Variants in BANP observed in about 807,000 individuals in gnomAD.
BANP encodes BTG3 associated nuclear protein.
Under a neutral mutation model 68.1 loss-of-function variants are expected in BANP, and 11 were observed. The observed-to-expected ratio is 0.16, with a 90% confidence interval of 0.10 to 0.27. The LOEUF is 0.27. Ranked by LOEUF, BANP falls within the 10% of genes least tolerant of loss-of-function variation. The pLI is 1.00. For missense variants in BANP, 504 were observed against 722.7 expected, an observed-to-expected ratio of 0.70 and a Z score of 3.47; for synonymous variants, 329 against 303.2, an observed-to-expected ratio of 1.09 and a Z score of -0.88.
Position 87,981,078 on chromosome 16 carries a change from C to T in BANP, c.113C>T (p.Ala38Val). ...NHVVTDEDEP[A>V]LKRQRLEINC... ...GTAGTGACAGATGAAGACGAACCTGCTTTGAAACGCCAGCGACTAGAAATC... is the reference window on the plus strand; with the variant it reads ...GTAGTGACAGATGAAGACGAACCTGTTTTGAAACGCCAGCGACTAGAAATC... Residue 38 changes from alanine to valine, a missense_variant, in exon 3 of 14, where the codon GCT (alanine) becomes GTT (valine). This residue lies in a region of BANP where 238 missense variants were observed against 278.9 expected (regional missense o/e 0.85). Coordinates refer to ENST00000682872, the MANE Select transcript of BANP (RefSeq NM_001386991.1). 1 of 1,614,086 alleles carries T rather than the reference C, an allele frequency of 6.2e-7. No individual in the cohort carries two copies. Among genetic ancestry groups the T allele is most frequent in the Non-Finnish European group, 8.5e-7 (1 of 1,180,006 alleles).
intron 6 of BANP, among the ~76,000 whole-genome samples, chr16:88,007,660 G>A (rs1286324694): frequency 6.6e-6 from 1 of 152,232 alleles, no homozygotes; most frequent in Non-Finnish European, 1.5e-5. Flanking sequence ...CTGCGTCTGA[G>A]TTGTTGATTT....
rs1374329620 is a variant in BANP, at chr16:88,033,395, C to T, written c.1200+150C>T. ...CAAGGTCCCCATTTAAAGTAGAGGTCATCGTGGCCATGAGCTCTTAACATT... is the reference window on the plus strand; with the variant it reads ...CAAGGTCCCCATTTAAAGTAGAGGTTATCGTGGCCATGAGCTCTTAACATT... On this transcript the variant is annotated intron_variant, in intron 9 of 13. Coordinates refer to ENST00000682872, the MANE Select transcript of BANP (RefSeq NM_001386991.1). 1.2e-5 allele frequency: 10 copies of T among 815,768 alleles called. No individual in the cohort carries two copies. The Admixed American group carries it at 1.7e-4, about 14-fold the overall frequency. 50.5% of individuals were successfully genotyped at this position (815,768 alleles called of 1,614,324 possible). A position where few individuals can be genotyped will look rare whatever the true frequency, so the allele number is the denominator to read the frequency against.
At chr16:88,072,495 C>G (rs766253673) in intron 13 of BANP, among the ~76,000 whole-genome samples, 5 of 152,228 alleles carry the variant, frequency 3.3e-5, no homozygotes, top group Non-Finnish European at 5.9e-5. Context: ...GCCCTGTCCT[C>G]CCTCCACACA....
chr16:88,076,508 A>G, intron 13 of BANP, 82 bp from the exon 14 acceptor site: 1 of 1,256,248 alleles, frequency 8.0e-7, no homozygotes. Context: ...TCTGCCTTAA[A>G]GTCACTGGCT....
chr16:87,984,137 T>A lies in BANP; in HGVS notation c.240T>A (p.Ala80=), dbSNP rs2063821408. 2 of 1,612,320 alleles carry A rather than the reference T, an allele frequency of 1.2e-6. No homozygotes were observed. The highest frequency in any genetic ancestry group is 2.7e-5 in the African/African-American group (2 of 74,840). Residue 80 remains alanine, a synonymous_variant, in exon 4 of 14, where the codon GCT becomes GCA. Transcript: ENST00000682872. Reference sequence around the variant, plus strand: ...AAGCCAAATTGCAAGCCCTGGAGGCTACTTGTAAATCCTTAGAAGAAAAGC... The same window carrying A: ...AAGCCAAATTGCAAGCCCTGGAGGCAACTTGTAAATCCTTAGAAGAAAAGC... ...SIEAKLQALE[A]TCKSLEEKLD...
At chr16:88,051,696 C>G (rs1028732586) in intron 11 of BANP, among the ~76,000 whole-genome samples, 2 of 152,310 alleles carry the variant, frequency 1.3e-5, no homozygotes, top group South Asian at 4.1e-4. Flanking sequence ...ACATAAAAAT[C>G]CGCATAGAGA....
intron 4 of BANP, among the ~76,000 whole-genome samples, chr16:87,988,425 G>T (rs1028292232): frequency 5.9e-5 from 9 of 151,726 alleles, no homozygotes; most frequent in African/African-American, 9.7e-5. Context: ...CACCACGCCT[G>T]GCTAATTTTT....
At chr16:88,027,736 C>T (rs1030501019) in intron 8 of BANP, 86 bp downstream of exon 8, 2 of 1,493,478 alleles carry the variant, frequency 1.3e-6, no homozygotes, top group African/African-American at 1.4e-5. Flanking sequence ...CAGTGCGTGG[C>T]CAGCGGCTCC....
rs547663244 is a variant in BANP, at chr16:88,009,711, C to T, written c.655+3446C>T. On this transcript the variant is annotated intron_variant, in intron 6 of 13. Coordinates refer to ENST00000682872, the MANE Select transcript of BANP (RefSeq NM_001386991.1). The stretch of plus-strand genomic sequence containing the variant: ...CTGTGTCTCATTAGAATAAGAAGGA[C>T]GGTAACGCTCAGCTATTGAAAGCAG... Among the ~76,000 whole-genome samples the T allele has an allele frequency of 1.3e-4, 19 of 149,364 alleles. No individual in the cohort carries two copies. In the South Asian group the frequency reaches 1.3e-3, roughly 10 times the overall value.
In BANP at chr16:88,057,179, G is replaced by C. The variant is rs1020251013; in HGVS notation, c.1312-8088G>C. Reference sequence around the variant, plus strand: ...TTCTGGTGGGCGGGCCTGCCGTGTTGTGGTGGGGAGCGACTTCACACAGCT... The same window carrying C: ...TTCTGGTGGGCGGGCCTGCCGTGTTCTGGTGGGGAGCGACTTCACACAGCT... On this transcript the variant is annotated intron_variant, in intron 11 of 13. Coordinates refer to ENST00000682872, the MANE Select transcript of BANP (RefSeq NM_001386991.1). This position sits in a 1 kb window ranked among gnomAD's most constrained non-coding sequence, Gnocchi z 4.6. 9.9e-5 allele frequency among the ~76,000 whole-genome samples: 15 copies of C among 152,096 alleles called. No individual in the cohort carries two copies. Among genetic ancestry groups the C allele is most frequent in the African/African-American group, 3.6e-4 (15 of 41,358 alleles).
chr16:88,067,315 C>T (rs2088957160), intron 12 of BANP, among the ~76,000 whole-genome samples: 1 of 152,142 alleles, frequency 6.6e-6, no homozygotes, highest in African/African-American at 2.4e-5. Context: ...AGCCCCCAGC[C>T]AGTGTCACCC....
intron 11 of BANP, among the ~76,000 whole-genome samples, chr16:88,050,384 G>C (rs576394461): frequency 6.6e-6 from 1 of 152,134 alleles, no homozygotes. Context: ...TTGAACTCCC[G>C]GGCTTAAGGA....
intron 11 of BANP, among the ~76,000 whole-genome samples, chr16:88,058,499 A>G (rs1038123231): frequency 2.6e-5 from 4 of 152,188 alleles, no homozygotes; most frequent in African/African-American, 4.8e-5. Flanking sequence ...TTTCTGATCC[A>G]CAGACCAGAG....
At chr16:88,067,954 G>A (rs897599348) in intron 12 of BANP, among the ~76,000 whole-genome samples, 19 of 152,250 alleles carry the variant, frequency 1.2e-4, no homozygotes, top group African/African-American at 4.1e-4. Context: ...TGCCCCCTCC[G>A]TCCCCAACAG....
intron 11 of BANP, among the ~76,000 whole-genome samples, chr16:88,043,585 G>GT (rs2081306966): frequency 6.6e-6 from 1 of 152,180 alleles, no homozygotes; most frequent in African/African-American, 2.4e-5. Context: ...TTAGGTAGAG[G>GT]TGTTATTGTA....
At chr16:87,956,250 A>T (rs908180217) in intron 1 of BANP, among the ~76,000 whole-genome samples, 2 of 152,382 alleles carry the variant, frequency 1.3e-5, no homozygotes, top group Admixed American at 1.3e-4. Context: ...ACTGCAATCT[A>T]GAGAAACTAA....
intron 1 of BANP, among the ~76,000 whole-genome samples, chr16:87,972,164 C>A (rs1391335367): frequency 2.0e-5 from 3 of 152,110 alleles, no homozygotes; most frequent in Non-Finnish European, 2.9e-5. Context: ...GCTACTTTTT[C>A]TTGAGCTTTT....
In BANP at chr16:88,071,479, C is replaced by A. The variant is rs936236514; in HGVS notation, c.1378-590C>A. The A allele has an allele frequency of 1.3e-5, 6 of 456,234 alleles. No homozygotes were observed. The highest frequency in any genetic ancestry group is 4.0e-5 in the African/African-American group (2 of 50,082). 28.3% of individuals were successfully genotyped at this position (456,234 alleles called of 1,614,324 possible). A position where few individuals can be genotyped will look rare whatever the true frequency, so the allele number is the denominator to read the frequency against. ...GGAGGCGGTACAAGGTCGGGAGGGC[C>A]AGCGGGGCTCTCTGCCACCAGGACT... On this transcript the variant is annotated intron_variant, in intron 12 of 13. Coordinates refer to ENST00000682872, the MANE Select transcript of BANP (RefSeq NM_001386991.1). The surrounding 1 kb of genome is among the most constrained non-coding windows in gnomAD (Gnocchi z 6.5).
intron 12 of BANP, among the ~76,000 whole-genome samples, chr16:88,066,697 C>A (rs778539346): frequency 6.6e-6 from 1 of 152,216 alleles, no homozygotes; most frequent in African/African-American, 2.4e-5. Context: ...TTGATAGATT[C>A]TTGAAAAACT....
Sources: gnomAD v4.1 joint callset for allele counts (sites outside exome capture counted in the v4.1 genomes callset) on GRCh38, gnomAD v4.1.1 for gene constraint, gnomAD v4.1.1 regional missense constraint, Gnocchi (gnomAD v3.1) non-coding constraint, MANE v1.5 for transcripts, NCBI Gene and HGNC (gene_info 2026-07-23, HGNC 2026-07-21) for gene names.